CPEB1: variants seen among roughly 807,000 people sequenced by gnomAD.
CPEB1 encodes cytoplasmic polyadenylation element-binding protein 1.
In CPEB1, 7 loss-of-function variants were observed where a neutral mutation model predicts 65.8. The observed-to-expected ratio is 0.11, with a 90% CI of 0.06 to 0.20. CPEB1 has a LOEUF of 0.20. Among genes scored for constraint, CPEB1 ranks in the 10% least tolerant of loss-of-function variants. CPEB1 has a pLI of 1.00. For missense variants in CPEB1, 551 were observed against 712.2 expected, an observed-to-expected ratio of 0.77 and a Z score of 2.58; for synonymous variants, 262 against 260.0, an observed-to-expected ratio of 1.01 and a Z score of -0.08.
intron 3 of CPEB1, among the ~76,000 whole-genome samples, chr15:82,594,483 T>G (rs1354624211): frequency 6.6e-6 from 1 of 152,126 alleles, no homozygotes; most frequent in Non-Finnish European, 1.5e-5. Flanking sequence ...GTTAGGGCCT[T>G]CCTCTGGATT....
chr15:82,621,446 AC>A (rs372311648), intron 3 of CPEB1, among the ~76,000 whole-genome samples: 2 of 151,988 alleles, frequency 1.3e-5, no homozygotes, highest in African/African-American at 4.8e-5. Flanking sequence ...ATATGGAGAA[AC>A]CCCGTCTCTA....
At chr15:82,588,894 A>G (rs1394214912) in intron 3 of CPEB1, among the ~76,000 whole-genome samples, 4 of 152,156 alleles carry the variant, frequency 2.6e-5, no homozygotes, top group Non-Finnish European at 5.9e-5. Flanking sequence ...GGAGTCTACC[A>G]TATGTTCTTA....
intron 4 of CPEB1, among the ~76,000 whole-genome samples, chr15:82,559,297 C>T (rs1017266119): frequency 3.9e-5 from 6 of 152,162 alleles, no homozygotes; most frequent in South Asian, 2.1e-4. Flanking sequence ...GACCAGCCCA[C>T]GCTCCTTTAG....
intron 3 of CPEB1, among the ~76,000 whole-genome samples, chr15:82,591,297 T>C (rs891560565): frequency 1.3e-5 from 2 of 152,262 alleles, no homozygotes; most frequent in Non-Finnish European, 1.5e-5. Context: ...AGTCTTGCTC[T>C]GTCACCCAGA....
intron 6 of CPEB1, among the ~76,000 whole-genome samples, chr15:82,555,323 A>G (rs1478465988): frequency 1.3e-5 from 2 of 152,162 alleles, no homozygotes; most frequent in African/African-American, 4.8e-5. Context: ...AAATGTCAGA[A>G]CCTTAAGGAT....
intron 1 of CPEB1, chr15:82,629,948 A>C (rs1369940848): frequency 1.0e-6 from 1 of 985,236 alleles, no homozygotes; most frequent in Non-Finnish European, 1.2e-6. Context: ...AGACGACCAA[A>C]ATACACAATC....
At chr15:82,617,970 T>C (rs1485051901) in intron 3 of CPEB1, among the ~76,000 whole-genome samples, 1 of 151,834 alleles carries the variant, frequency 6.6e-6, no homozygotes, top group Non-Finnish European at 1.5e-5. Flanking sequence ...CCTGACCTCG[T>C]GATCCGCCCG....
chr15:82,578,465 T>C (rs2040898526), intron 3 of CPEB1, among the ~76,000 whole-genome samples: 1 of 152,138 alleles, frequency 6.6e-6, no homozygotes, highest in Non-Finnish European at 1.5e-5. Flanking sequence ...ATATATACAG[T>C]GTTGAAAATT....
intron 1 of CPEB1, among the ~76,000 whole-genome samples, chr15:82,637,281 C>G (rs897925639): frequency 2.0e-5 from 3 of 152,228 alleles, no homozygotes; most frequent in East Asian, 3.8e-4. Context: ...CTTGCCCTCA[C>G]CAATTTGACA....
In CPEB1 at chr15:82,621,396, C is replaced by T. The variant is rs1016930666; in HGVS notation, c.271+5797G>A. Among the ~76,000 whole-genome samples the T allele has an allele frequency of 1.8e-4, 27 of 151,438 alleles. No homozygotes were observed. The East Asian group carries it at 2.3e-3, about 13-fold the overall frequency. Reference sequence around the variant, plus strand: ...CAGCACTTTGGGAGGCCGAGGCAGGCGGATCACCTGAGGCCAGGAGTTCAA... The same window carrying T: ...CAGCACTTTGGGAGGCCGAGGCAGGTGGATCACCTGAGGCCAGGAGTTCAA... On this transcript the variant is annotated intron_variant, in intron 3 of 12. Coordinates refer to ENST00000684509, the MANE Select transcript of CPEB1 (RefSeq NM_001365242.1).
chr15:82,605,476 G>A (rs888710945), intron 3 of CPEB1, among the ~76,000 whole-genome samples: 4 of 151,870 alleles, frequency 2.6e-5, no homozygotes, highest in Non-Finnish European at 1.5e-5. Flanking sequence ...ATAGAATGAC[G>A]GTAACTATAG....
intron 1 of CPEB1, among the ~76,000 whole-genome samples, chr15:82,632,052 G>A (rs945275057): frequency 6.8e-6 from 1 of 146,824 alleles, no homozygotes; most frequent in African/African-American, 2.5e-5. Context: ...TGTGATCTCG[G>A]CTCACTGCAA....
chr15:82,546,007 T>C (rs2035133692), intron 12 of CPEB1, among the ~76,000 whole-genome samples: 1 of 82,946 alleles, frequency 1.2e-5, no homozygotes, highest in African/African-American at 5.9e-5. Flanking sequence ...CTAAAGTATG[T>C]CTGTCCCGGT....
chr15:82,576,206 T>C lies in CPEB1; in HGVS notation c.272-4674A>G, dbSNP rs570802125. ...TGGAAAAAGCCGTACATAAGTTACA[T>C]ATGTATATAATTCCACTTATTTGAA... is the stretch of plus-strand genomic sequence containing the variant. On this transcript the variant is annotated intron_variant, in intron 3 of 12. Transcript: ENST00000684509. Among the ~76,000 whole-genome samples the C allele has an allele frequency of 5.3e-5, 8 of 152,326 alleles. No individual in the cohort carries two copies. The South Asian group carries it at 1.7e-3, about 32-fold the overall frequency.
chr15:82,547,258 T>A, intron 10 of CPEB1, 21 bp from the exon 11 acceptor site: 3 of 1,403,898 alleles, frequency 2.1e-6, no homozygotes, highest in Non-Finnish European at 3.0e-6. Context: ...AGACACAAGC[T>A]TCCCTTCTAA....
intron 1 of CPEB1, among the ~76,000 whole-genome samples, chr15:82,642,977 G>A (rs1397540747): frequency 6.6e-6 from 1 of 152,118 alleles, no homozygotes; most frequent in African/African-American, 2.4e-5. Flanking sequence ...CATAACTTTA[G>A]AAAATAATCA....
intron 3 of CPEB1, among the ~76,000 whole-genome samples, chr15:82,586,865 T>C (rs1053731004): frequency 1.3e-5 from 2 of 152,208 alleles, no homozygotes; most frequent in Non-Finnish European, 2.9e-5. Context: ...CTAGTAAGGA[T>C]GTCTGCTGCC....
chr15:82,627,404 C>T (rs201709014), intron 2 of CPEB1, 37 bp from the exon 3 acceptor site: 16 of 1,523,524 alleles, frequency 1.1e-5, no homozygotes, highest in African/African-American at 1.4e-5. Context: ...AGGTTTTCTA[C>T]ACTCCTTTAT....
At chr15:82,605,052 T>C (rs1167050787) in intron 3 of CPEB1, among the ~76,000 whole-genome samples, 1 of 152,186 alleles carries the variant, frequency 6.6e-6, no homozygotes, top group African/African-American at 2.4e-5. Context: ...AATAGCTGAT[T>C]TCTTACCAGA....
Sources: allele counts gnomAD v4.1 joint callset (sites outside exome capture counted in the v4.1 genomes callset), GRCh38; gene constraint gnomAD v4.1.1; transcripts MANE v1.5; gene names NCBI Gene and HGNC (gene_info 2026-07-23, HGNC 2026-07-21).